GCC2: variants seen among roughly 807,000 people sequenced by gnomAD.
The protein encoded by GCC2 is GRIP and coiled-coil domain-containing protein 2.
GCC2 carries 120 observed loss-of-function variants against 210.6 expected under a neutral mutation model. That is an observed-to-expected ratio of 0.57 (90% CI 0.49 to 0.66). GCC2 has a LOEUF of 0.66. Ranked by LOEUF, GCC2 falls within the 30% of genes least tolerant of loss-of-function variation. The pLI is 0.00. For missense variants in GCC2, 1,868 were observed against 1,871.9 expected (o/e 1.00, Z 0.04); for synonymous variants, 703 against 652.7 (o/e 1.08, Z -1.17).
chr2:108,471,548 A>G lies in GCC2; in HGVS notation c.2219A>G (p.Asn740Ser), dbSNP rs1364766321. The change falls in exon 6 of 23, where the codon AAT (asparagine) becomes AGT (serine). Residue 740 changes from asparagine (N) to serine (S), a missense_variant. By Grantham distance (46) the Asn-to-Ser change is conservative. Around this residue, in one of 3 missense-constraint regions of GCC2, gnomAD observed 1,847 missense variants for 1,765.2 expected, o/e 1.05. Transcript: ENST00000309863. ...KLQLMVEEQD[N>S]LNKLLENEQV... ...CAGTTAATGGTTGAAGAGCAAGATAATTTAAATAAACTGCTTGAAAATGAG... is the reference window on the plus strand; with the variant it reads ...CAGTTAATGGTTGAAGAGCAAGATAGTTTAAATAAACTGCTTGAAAATGAG... 3.1e-6 allele frequency: 5 copies of G among 1,607,414 alleles called. No individual in the cohort carries two copies. The highest frequency in any genetic ancestry group is 3.4e-6 in the Non-Finnish European group (4 of 1,177,364).
intron 9 of GCC2, among the ~76,000 whole-genome samples, chr2:108,478,287 T>A (rs1184804416): frequency 6.7e-6 from 1 of 149,262 alleles, no homozygotes; most frequent in Non-Finnish European, 1.5e-5. Flanking sequence ...TATTTTCATA[T>A]GTAATATAAA....
In GCC2 at chr2:108,489,923, C is replaced by A; in HGVS notation, c.4138C>A (p.Gln1380Lys). 6.2e-7 allele frequency: 1 copy of A among 1,611,552 alleles called. No homozygotes were observed. The highest frequency in any genetic ancestry group is 8.5e-7 in the Non-Finnish European group (1 of 1,178,470). Reference sequence around the variant, plus strand: ...CTTACAGATTAATGTATCTGAACTTCAAACATTGCAGTCTGAACATGATAC... The same window carrying A: ...CTTACAGATTAATGTATCTGAACTTAAAACATTGCAGTCTGAACATGATAC... ...NNLQINVSEL[Q>K]TLQSEHDTLL... is the part of the protein sequence containing the mutation. The change falls in exon 18 of 23, where the codon CAA (glutamine) becomes AAA (lysine). Residue 1380 changes from glutamine to lysine, a missense_variant. Gln to Lys is a moderately conservative substitution (Grantham distance 53). Around this residue, in one of 3 missense-constraint regions of GCC2, gnomAD observed 1,847 missense variants for 1,765.2 expected, o/e 1.05. Transcript: ENST00000309863.
At chr2:108,501,283 C>T (rs971343660) in intron 22 of GCC2, among the ~76,000 whole-genome samples, 89 of 152,030 alleles carry the variant, frequency 5.9e-4, no homozygotes, top group African/African-American at 2.0e-3. Flanking sequence ...CCACGCCCAG[C>T]CATTTTGTTG....
chr2:108,467,557 A>C (rs927339521), intron 4 of GCC2, among the ~76,000 whole-genome samples: 5 of 152,112 alleles, frequency 3.3e-5, no homozygotes, highest in Non-Finnish European at 7.3e-5. Flanking sequence ...TGCATCTCCC[A>C]AAGTGTTGGG....
chr2:108,505,642 T>C (rs1328454420), intron 22 of GCC2, among the ~76,000 whole-genome samples: 1 of 152,060 alleles, frequency 6.6e-6, no homozygotes, highest in African/African-American at 2.4e-5. Flanking sequence ...CTTGAGGAAC[T>C]AAATTCTTCC....
At chr2:108,504,969 A>C (rs1379088110) in intron 22 of GCC2, among the ~76,000 whole-genome samples, 1 of 152,156 alleles carries the variant, frequency 6.6e-6, no homozygotes, top group Non-Finnish European at 1.5e-5. Context: ...GCATACTCAC[A>C]CTGTAAGTGC....
At chr2:108,461,207 G>A (rs1680551575) in intron 4 of GCC2, among the ~76,000 whole-genome samples, 1 of 151,574 alleles carries the variant, frequency 6.6e-6, no homozygotes, top group Non-Finnish European at 1.5e-5. Context: ...TTTTCTCTGG[G>A]TCTGTAAGCT....
chr2:108,501,679 A>C (rs1211558257), intron 22 of GCC2, among the ~76,000 whole-genome samples: 1 of 152,048 alleles, frequency 6.6e-6, no homozygotes, highest in African/African-American at 2.4e-5. Flanking sequence ...ATACTTAGTA[A>C]AATTCCAATT....
intron 22 of GCC2, among the ~76,000 whole-genome samples, chr2:108,502,530 A>C (rs1199896997): frequency 5.3e-5 from 8 of 152,242 alleles, no homozygotes; most frequent in Admixed American, 1.3e-4. Context: ...AAGATTATTT[A>C]CTACTTGTCT....
chr2:108,491,868 A>T (rs1682420549), intron 18 of GCC2, among the ~76,000 whole-genome samples: 1 of 152,114 alleles, frequency 6.6e-6, no homozygotes, highest in East Asian at 1.9e-4. Context: ...TTGTAGGCCC[A>T]CTGGTTAGTT....
rs1442095768 is a variant in GCC2, at chr2:108,495,441, C to A, written c.4598C>A (p.Thr1533Lys). The A allele has an allele frequency of 6.3e-7, 1 of 1,594,460 alleles. No homozygotes were observed. The highest frequency in any genetic ancestry group is 8.5e-7 in the Non-Finnish European group (1 of 1,178,444). Residue 1533 changes from threonine to lysine, a missense_variant, in exon 20 of 23, where the codon ACA becomes AAA. Thr to Lys is a moderately conservative substitution (Grantham distance 78). Transcript: ENST00000309863. ...TCTGTGTCTTCCGCCAGCACATACA[C>A]ACAGTCTTTAGAGCAGCTGCTTAAC... ...TESVSSASTY[T>K]QSLEQLLNSP...
Position 108,507,758 on chromosome 2 carries a change from A to T in GCC2, c.*128A>T. Reference sequence around the variant, plus strand: ...TGCATCTACATATATTTGTACATCTATATGACAGATGTATTTTAAAAGTTT... The same window carrying T: ...TGCATCTACATATATTTGTACATCTTTATGACAGATGTATTTTAAAAGTTT... On this transcript the variant is annotated 3_prime_UTR_variant, in exon 23 of 23. Coordinates refer to ENST00000309863, the MANE Select transcript of GCC2 (RefSeq NM_181453.4). 4.5e-6 allele frequency: 3 copies of T among 666,254 alleles called. No individual in the cohort carries two copies. The South Asian group carries it at 5.6e-5, about 12-fold the overall frequency. The allele number at this position is 666,254 out of a possible 1,614,324, so 41.3% of individuals were successfully genotyped here.
chr2:108,481,657 CA>C (rs1301097529), intron 9 of GCC2, 39 bp from the exon 10 acceptor site: 2 of 1,526,554 alleles, frequency 1.3e-6, no homozygotes, highest in Non-Finnish European at 1.8e-6. Context: ...CTGTTGAATG[CA>C]AAATTATATA....
intron 9 of GCC2, among the ~76,000 whole-genome samples, chr2:108,477,112 G>GA (rs1404338621): frequency 6.6e-6 from 1 of 152,024 alleles, no homozygotes; most frequent in Non-Finnish European, 1.5e-5. Flanking sequence ...GATCTTGACA[G>GA]AATTCTAAGT....
At chr2:108,487,597 C>T in intron 16 of GCC2, 102 bp from the exon 17 acceptor site, 1 of 1,084,830 alleles carries the variant, frequency 9.2e-7, no homozygotes, top group Non-Finnish European at 1.3e-6. Flanking sequence ...CCATTTTTCT[C>T]ATTTTCAAAA....
At chr2:108,451,611 T>C (rs1205838367) in intron 3 of GCC2, among the ~76,000 whole-genome samples, 1 of 152,168 alleles carries the variant, frequency 6.6e-6, no homozygotes, top group Non-Finnish European at 1.5e-5. Context: ...AGCACCTTTT[T>C]TTTTTAGTAT....
intron 13 of GCC2, chr2:108,484,781 T>C (rs1216473099): frequency 6.6e-6 from 1 of 152,002 alleles, no homozygotes; most frequent in Non-Finnish European, 1.5e-5. Flanking sequence ...TTGATCTATA[T>C]CTCTGTTTTG....
At chr2:108,497,433 C>T (rs962845918) in intron 21 of GCC2, among the ~76,000 whole-genome samples, 4 of 152,164 alleles carry the variant, frequency 2.6e-5, no homozygotes, top group African/African-American at 4.8e-5. Context: ...TTCTTTTACA[C>T]CTATTACATA....
intron 4 of GCC2, among the ~76,000 whole-genome samples, chr2:108,454,030 G>A (rs1368990381): frequency 2.0e-5 from 3 of 151,766 alleles, no homozygotes; most frequent in Non-Finnish European, 2.9e-5. Flanking sequence ...TCGCCTTGTC[G>A]CCCAGGCTGG....
Sources: allele counts gnomAD v4.1 joint callset (sites outside exome capture counted in the v4.1 genomes callset), GRCh38; gene constraint gnomAD v4.1.1; regional missense constraint gnomAD v4.1.1; transcripts MANE v1.5; gene names NCBI Gene and HGNC (gene_info 2026-07-23, HGNC 2026-07-21).